Variants in ANKIB1 observed in about 807,000 individuals in gnomAD.
ANKIB1 encodes the protein ankyrin repeat and IBR domain containing 1.
ANKIB1 carries 43 observed loss-of-function variants against 122.1 expected under a neutral mutation model. That is an observed-to-expected ratio of 0.35 (90% CI 0.28 to 0.45). The LOEUF (loss-of-function observed/expected upper bound fraction) is 0.45. Ranked by LOEUF, ANKIB1 falls within the 20% of genes least tolerant of loss-of-function variation. ANKIB1 has a pLI of 1.00. For synonymous variants in ANKIB1, 390 were observed against 442.0 expected (o/e 0.88, Z 1.48); for missense variants, 992 against 1,329.5 (o/e 0.75, Z 3.95).
At chr7:92,281,178 A>G (rs4266578) in intron 1 of ANKIB1, among the ~76,000 whole-genome samples, 15,269 of 152,220 alleles carry the variant, frequency 0.1, 956 homozygotes, top group East Asian at 0.36. Flanking sequence ...AATTATGACA[A>G]TGTGTATGAA....
intron 11 of ANKIB1, among the ~76,000 whole-genome samples, chr7:92,373,275 A>G (rs1238899551): frequency 6.6e-6 from 1 of 152,184 alleles, no homozygotes; most frequent in African/African-American, 2.4e-5. Flanking sequence ...TATAGACTAC[A>G]TAGATGTATA....
At chr7:92,269,145 C>G (rs1801733492) in intron 1 of ANKIB1, among the ~76,000 whole-genome samples, 1 of 152,128 alleles carries the variant, frequency 6.6e-6, no homozygotes, top group Non-Finnish European at 1.5e-5. Context: ...TTCACTTTCT[C>G]CTGAAATCTC....
intron 2 of ANKIB1, among the ~76,000 whole-genome samples, chr7:92,299,095 A>G (rs1802411366): frequency 6.6e-6 from 1 of 152,202 alleles, no homozygotes; most frequent in Admixed American, 6.5e-5. Flanking sequence ...TGAGTCTGTC[A>G]CTTCAGGGAA....
chr7:92,325,939 T>A (rs760984222), intron 4 of ANKIB1: 2 of 449,878 alleles, frequency 4.4e-6, no homozygotes, highest in South Asian at 3.2e-5. Flanking sequence ...ACTGACTGCT[T>A]TGAAGGTTAT....
rs575917446 is a variant in ANKIB1, at chr7:92,343,314, A to G, written c.996+82A>G. The G allele has an allele frequency of 1.8e-5, 23 of 1,291,224 alleles. No homozygotes were observed. The South Asian group carries it at 2.8e-4, about 16-fold the overall frequency. The allele number at this position is 1,291,224 out of a possible 1,614,324, so 80.0% of individuals were successfully genotyped here. A position where few individuals can be genotyped will look rare whatever the true frequency, so the allele number is the denominator to read the frequency against. ...CAAATGATTTAATATTGTTCCATGG[A>G]GTGTCTGGTTGTGTTCTTGTAATTG... On this transcript the variant is annotated intron_variant, in intron 6 of 19. Coordinates refer to ENST00000265742, the MANE Select transcript of ANKIB1 (RefSeq NM_019004.2).
chr7:92,319,179 T>C (rs1184671137), intron 3 of ANKIB1, 151 bp from the exon 4 acceptor site: 4 of 422,022 alleles, frequency 9.5e-6, no homozygotes, highest in Non-Finnish European at 1.6e-5. Context: ...GGTATCTAAA[T>C]ACCTTTTTTT....
intron 1 of ANKIB1, among the ~76,000 whole-genome samples, chr7:92,251,168 A>G (rs550233093): frequency 6.6e-6 from 1 of 152,236 alleles, no homozygotes; most frequent in Non-Finnish European, 1.5e-5. Flanking sequence ...GTTCAAGGAC[A>G]TTAACAATGA....
intron 1 of ANKIB1, among the ~76,000 whole-genome samples, chr7:92,266,011 TGAA>T (rs1801665568): frequency 6.6e-6 from 1 of 152,172 alleles, no homozygotes; most frequent in Non-Finnish European, 1.5e-5. Flanking sequence ...AAAATGTAGT[TGAA>T]GAAGTAGGTG....
At chr7:92,369,516 T>C (rs958252015) in intron 10 of ANKIB1, among the ~76,000 whole-genome samples, 1 of 152,178 alleles carries the variant, frequency 6.6e-6, no homozygotes, top group African/African-American at 2.4e-5. Context: ...CAGAGCCACT[T>C]CCCAGGGGTC....
chr7:92,273,895 C>T (rs577720495), intron 1 of ANKIB1, among the ~76,000 whole-genome samples: 47 of 151,986 alleles, frequency 3.1e-4, no homozygotes, highest in Non-Finnish European at 4.1e-4. Flanking sequence ...ACCTCAGCCT[C>T]CTGAGTAGCA....
chr7:92,291,285 T>TA (rs1379312476), intron 1 of ANKIB1, among the ~76,000 whole-genome samples: 2 of 145,992 alleles, frequency 1.4e-5, no homozygotes, highest in Non-Finnish European at 3.0e-5. Context: ...CAGAGCGAGA[T>TA]CCCGTCTCAA....
chr7:92,286,392 A>G (rs889380612), intron 1 of ANKIB1, among the ~76,000 whole-genome samples: 5 of 151,704 alleles, frequency 3.3e-5, no homozygotes, highest in African/African-American at 1.2e-4. Context: ...AGTAAATAGC[A>G]TTGATTTTTC....
intron 1 of ANKIB1, among the ~76,000 whole-genome samples, chr7:92,269,802 T>TA (rs78481257): frequency 3.5e-4 from 53 of 151,318 alleles, no homozygotes; most frequent in Admixed American, 1.9e-3. Context: ...TTTTTTTTTT[T>TA]AAAAAAAATT....
At chr7:92,273,987 G>A (rs774089774) in intron 1 of ANKIB1, among the ~76,000 whole-genome samples, 30 of 151,734 alleles carry the variant, frequency 2.0e-4, no homozygotes, top group Non-Finnish European at 4.0e-4. Flanking sequence ...TGTCCGGGCT[G>A]GTCTTGAACC....
intron 17 of ANKIB1, among the ~76,000 whole-genome samples, chr7:92,395,259 T>G (rs936665659): frequency 2.6e-5 from 4 of 152,212 alleles, no homozygotes; most frequent in Admixed American, 2.6e-4. Context: ...GACATCTGCC[T>G]AAGTCTGTGT....
At chr7:92,397,914 G>A in intron 19 of ANKIB1, 55 bp downstream of exon 19, 1 of 1,555,926 alleles carries the variant, frequency 6.4e-7, no homozygotes. Context: ...TCTGCTGAGT[G>A]TGGTTTCCTG....
intron 4 of ANKIB1, among the ~76,000 whole-genome samples, chr7:92,324,586 T>G (rs569180599): frequency 1.1e-4 from 17 of 152,320 alleles, no homozygotes; most frequent in Middle Eastern, 6.8e-3. Context: ...TATTTGTACC[T>G]TCTACTTTGA....
chr7:92,304,383 C>G (rs957881022), intron 2 of ANKIB1, among the ~76,000 whole-genome samples: 1 of 151,980 alleles, frequency 6.6e-6, no homozygotes, highest in Non-Finnish European at 1.5e-5. Context: ...TTAATGAACC[C>G]GGCGGATTGG....
chr7:92,376,051 A>G (rs755812846), intron 11 of ANKIB1, among the ~76,000 whole-genome samples: 4 of 152,196 alleles, frequency 2.6e-5, no homozygotes, highest in East Asian at 1.9e-4. Flanking sequence ...TGGGCTTATA[A>G]TATTCAGTAA....
Sources: allele counts gnomAD v4.1 joint callset (sites outside exome capture counted in the v4.1 genomes callset), GRCh38; gene constraint gnomAD v4.1.1; transcripts MANE v1.5; gene names NCBI Gene and HGNC (gene_info 2026-07-23, HGNC 2026-07-21).